The following NKAIN2 variants were observed in gnomAD, a reference collection of about 807,000 sequenced individuals.
The protein encoded by NKAIN2 is sodium/potassium-transporting ATPase subunit beta-1-interacting protein 2.
NKAIN2 carries 14 observed loss-of-function variants against 32.6 expected under a neutral mutation model. That is an observed-to-expected ratio of 0.43 (90% CI 0.28 to 0.67). The LOEUF (loss-of-function observed/expected upper bound fraction) is 0.67. Among genes scored for constraint, NKAIN2 ranks in the 30% least tolerant of loss-of-function variants. The probability of loss-of-function intolerance (pLI) is 0.17; values close to 1 mark genes in which losing one functional copy is unlikely to be tolerated. For missense variants in NKAIN2, 198 were observed against 258.3 expected (o/e 0.77, Z 1.60); for synonymous variants, 80 against 87.2 (o/e 0.92, Z 0.46).
At chr6:124,169,042 C>T (rs1426039036) in intron 1 of NKAIN2, among the ~76,000 whole-genome samples, 1 of 152,068 alleles carries the variant, frequency 6.6e-6, no homozygotes, top group East Asian at 1.9e-4. Flanking sequence ...CAGTATTTCT[C>T]ATGTTCAATA....
At chr6:124,044,087 A>C (rs1479333298) in intron 1 of NKAIN2, among the ~76,000 whole-genome samples, 1 of 152,036 alleles carries the variant, frequency 6.6e-6, no homozygotes, top group African/African-American at 2.4e-5. Context: ...ATCCTTTTTC[A>C]GCTACTGTAA....
intron 1 of NKAIN2, among the ~76,000 whole-genome samples, chr6:123,970,864 G>A (rs12191053): frequency 0.29 from 43,713 of 151,680 alleles, 6,427 homozygotes; most frequent in East Asian, 0.46. Context: ...CCTGGTCGAC[G>A]AAGTGAATCT....
chr6:124,494,631 C>T (rs1333796393), intron 3 of NKAIN2, among the ~76,000 whole-genome samples: 4 of 152,196 alleles, frequency 2.6e-5, no homozygotes, highest in East Asian at 1.9e-4. Flanking sequence ...GTGAATTCCA[C>T]TGAGGTCAAA....
chr6:123,976,652 A>T (rs1260366050), intron 1 of NKAIN2, among the ~76,000 whole-genome samples: 1 of 151,596 alleles, frequency 6.6e-6, no homozygotes, highest in East Asian at 1.9e-4. Context: ...TTTAAATGAT[A>T]ATCTCTTTCA....
intron 4 of NKAIN2, among the ~76,000 whole-genome samples, chr6:124,725,472 C>T (rs958831326): frequency 6.6e-6 from 1 of 152,114 alleles, no homozygotes; most frequent in African/African-American, 2.4e-5. Flanking sequence ...AAGCCCTGTT[C>T]TATTTTTAAA....
intron 1 of NKAIN2, among the ~76,000 whole-genome samples, chr6:123,813,432 G>A (rs1342787811): frequency 1.3e-5 from 2 of 152,202 alleles, no homozygotes; most frequent in Non-Finnish European, 2.9e-5. Context: ...TTTGAAGTGC[G>A]GGGATGATAT....
chr6:124,429,363 T>G (rs1775115285), intron 3 of NKAIN2, among the ~76,000 whole-genome samples: 1 of 152,190 alleles, frequency 6.6e-6, no homozygotes, highest in Non-Finnish European at 1.5e-5. Context: ...TTTTTCTTTT[T>G]GAATTTCCAT....
At chr6:124,794,529 T>G (rs996050584) in intron 5 of NKAIN2, among the ~76,000 whole-genome samples, 1 of 152,202 alleles carries the variant, frequency 6.6e-6, no homozygotes, top group African/African-American at 2.4e-5. Context: ...CCTTTATTAA[T>G]CCAAAACACA....
At chr6:124,150,118 CT>C (rs1439578920) in intron 1 of NKAIN2, among the ~76,000 whole-genome samples, 1 of 152,152 alleles carries the variant, frequency 6.6e-6, no homozygotes, top group African/African-American at 2.4e-5. Context: ...ATTCTCCCCC[CT>C]GGGCTCTGCA....
chr6:124,523,612 TA>T lies in NKAIN2; in HGVS notation c.274-134572del, dbSNP rs1433872711. 9.8e-5 allele frequency among the ~76,000 whole-genome samples: 15 copies of T among 152,286 alleles called. No homozygotes were observed. In the East Asian group the frequency reaches 2.9e-3, roughly 29 times the overall value. ...TAGATCTTGGCAAAATTAAAAACTT[TA>T]ATAAAACTTTATCATTTTGACGTAT... On this transcript the variant is annotated intron_variant, in intron 3 of 6. Coordinates refer to ENST00000368417, the MANE Select transcript of NKAIN2 (RefSeq NM_001040214.3).
intron 3 of NKAIN2, among the ~76,000 whole-genome samples, chr6:124,457,344 G>A (rs1333777823): frequency 5.9e-5 from 9 of 151,984 alleles, no homozygotes; most frequent in Non-Finnish European, 1.0e-4. Flanking sequence ...GAAATACATC[G>A]GAGAAATGCT....
chr6:124,787,079 T>C (rs1779537223), intron 4 of NKAIN2, among the ~76,000 whole-genome samples: 2 of 152,094 alleles, frequency 1.3e-5, no homozygotes, highest in South Asian at 4.1e-4. Context: ...TCTCAAGGTC[T>C]ATCTCAAAAG....
intron 1 of NKAIN2, among the ~76,000 whole-genome samples, chr6:124,038,246 T>G (rs373361174): frequency 2.0e-4 from 31 of 152,166 alleles, no homozygotes; most frequent in Middle Eastern, 3.4e-3. Flanking sequence ...GTGAAAAGTT[T>G]TTTTTTTTTT....
chr6:124,004,498 G>A (rs541357965), intron 1 of NKAIN2, among the ~76,000 whole-genome samples: 5 of 152,046 alleles, frequency 3.3e-5, no homozygotes, highest in Admixed American at 6.6e-5. Flanking sequence ...AACTGAAACC[G>A]ATCAACTGCT....
chr6:124,311,469 A>T (rs1796711900), intron 2 of NKAIN2, among the ~76,000 whole-genome samples: 1 of 152,054 alleles, frequency 6.6e-6, no homozygotes, highest in Non-Finnish European at 1.5e-5. Context: ...CACCCTGAAA[A>T]TATTTATATA....
At chr6:123,998,421 G>A (rs1346363674) in intron 1 of NKAIN2, among the ~76,000 whole-genome samples, 1 of 152,062 alleles carries the variant, frequency 6.6e-6, no homozygotes, top group Non-Finnish European at 1.5e-5. Context: ...GAGATACTCA[G>A]CTCATGCCAA....
chr6:124,542,816 G>A (rs535492), intron 3 of NKAIN2, among the ~76,000 whole-genome samples: 65,273 of 151,904 alleles, frequency 0.43, 14,356 homozygotes, highest in African/African-American at 0.53. Flanking sequence ...TGCACGTTCA[G>A]TAATGAATAA....
chr6:124,474,183 C>T (rs1387287639), intron 3 of NKAIN2, among the ~76,000 whole-genome samples: 2 of 151,670 alleles, frequency 1.3e-5, no homozygotes, highest in African/African-American at 2.4e-5. Context: ...ATCTTTAGAG[C>T]TCTATTTAAA....
At chr6:124,129,773 A>G (rs1786362566) in intron 1 of NKAIN2, among the ~76,000 whole-genome samples, 2 of 152,066 alleles carry the variant, frequency 1.3e-5, no homozygotes, top group Admixed American at 6.6e-5. Context: ...GCACGCCACC[A>G]TGCCCAGCTA....
Sources: allele counts gnomAD v4.1 joint callset (sites outside exome capture counted in the v4.1 genomes callset), GRCh38; gene constraint gnomAD v4.1.1; transcripts MANE v1.5; gene names NCBI Gene and HGNC (gene_info 2026-07-23, HGNC 2026-07-21).